GALNT7: variants seen among roughly 807,000 people sequenced by gnomAD.
GALNT7 encodes the protein N-acetylgalactosaminyltransferase 7.
Under a neutral mutation model 82.1 loss-of-function variants are expected in GALNT7, and 60 were observed. The observed-to-expected ratio is 0.73, with a 90% CI of 0.59 to 0.91. The LOEUF is 0.91. GALNT7 is among the 40% of genes least tolerant of loss of function. GALNT7 has a pLI of 0.00. For missense variants in GALNT7, 660 were observed against 804.2 expected (o/e 0.82, Z 2.17); for synonymous variants, 243 against 275.1 (o/e 0.88, Z 1.15).
intron 2 of GALNT7, among the ~76,000 whole-genome samples, chr4:173,252,915 C>T (rs1039657896): frequency 1.3e-5 from 2 of 152,026 alleles, no homozygotes. Flanking sequence ...GAAAAGGATA[C>T]TTTGCCAGGC....
intron 1 of GALNT7, among the ~76,000 whole-genome samples, chr4:173,197,007 A>T (rs1010126192): frequency 2.7e-5 from 4 of 148,848 alleles, no homozygotes; most frequent in African/African-American, 9.8e-5. Context: ...GGTACATTTG[A>T]TAGGTACCTG....
At chr4:173,298,597 C>T (rs535090039) in intron 6 of GALNT7, among the ~76,000 whole-genome samples, 1 of 152,214 alleles carries the variant, frequency 6.6e-6, no homozygotes, top group Non-Finnish European at 1.5e-5. Flanking sequence ...CTTAGTTATC[C>T]TGTCCTACTG....
chr4:173,199,631 T>A (rs1342344398), intron 1 of GALNT7, among the ~76,000 whole-genome samples: 3 of 152,206 alleles, frequency 2.0e-5, no homozygotes, highest in Non-Finnish European at 4.4e-5. Context: ...ATGTAGGCAC[T>A]ATTCTTACCC....
At position 173,321,669 on chromosome 4, in the gene GALNT7, C is replaced by A. The variant is rs1737822073; in HGVS notation, c.1926C>A (p.Ser642=). The A allele has an allele frequency of 3.1e-6, 5 of 1,606,554 alleles. No individual in the cohort carries two copies. The South Asian group carries it at 5.5e-5, about 18-fold the overall frequency. The change falls in exon 12 of 12, where the codon TCC becomes TCA. Residue 642 remains serine, a synonymous_variant. Transcript: ENST00000265000. The part of the protein sequence containing the change: ...LHQVFISNCD[S]SKTTQKWEMN... ...AAGTATTCATCTCCAATTGTGACTC[C>A]AGTAAAACGACTCAAAAATGGGAAA...
intron 2 of GALNT7, among the ~76,000 whole-genome samples, chr4:173,271,547 C>A (rs1273546025): frequency 6.6e-6 from 1 of 152,094 alleles, no homozygotes. Context: ...TCCTCTGCCT[C>A]CTGGGTTCAA....
At chr4:173,177,335 C>T (rs1199589115) in intron 1 of GALNT7, among the ~76,000 whole-genome samples, 5 of 152,040 alleles carry the variant, frequency 3.3e-5, no homozygotes, top group Non-Finnish European at 5.9e-5. Context: ...TTTGGTTTGG[C>T]ATATAGTATT....
At chr4:173,293,399 AT>A (rs1348085793) in intron 3 of GALNT7, among the ~76,000 whole-genome samples, 7 of 152,184 alleles carry the variant, frequency 4.6e-5, no homozygotes, top group Non-Finnish European at 1.0e-4. Context: ...TACAGCTTTA[AT>A]TAGTTTTTTC....
At chr4:173,197,063 CTT>C (rs5864189) in intron 1 of GALNT7, among the ~76,000 whole-genome samples, 8 of 117,942 alleles carry the variant, frequency 6.8e-5, no homozygotes, top group African/African-American at 2.3e-4. Context: ...CTCTCTCTCC[CTT>C]TTTTTTTTTT....
At chr4:173,275,812 G>T (rs1351338029) in intron 2 of GALNT7, among the ~76,000 whole-genome samples, 1 of 152,170 alleles carries the variant, frequency 6.6e-6, no homozygotes, top group Non-Finnish European at 1.5e-5. Context: ...AGGGATGCTT[G>T]TCTTAAAACC....
intron 2 of GALNT7, among the ~76,000 whole-genome samples, chr4:173,276,861 G>C (rs536315286): frequency 6.6e-6 from 1 of 152,108 alleles, no homozygotes; most frequent in African/African-American, 2.4e-5. Context: ...TCAGCTTCTT[G>C]TTTGGTGAGC....
intron 2 of GALNT7, among the ~76,000 whole-genome samples, chr4:173,286,012 G>GA (rs1339500242): frequency 6.6e-6 from 1 of 151,254 alleles, no homozygotes; most frequent in Non-Finnish European, 1.5e-5. Context: ...TCAGTTGACT[G>GA]AAAAAAAACA....
Position 173,199,763 on chromosome 4 carries a change from G to A in GALNT7, c.126+30802G>A, listed in dbSNP as rs576889848. 9.8e-5 allele frequency among the ~76,000 whole-genome samples: 15 copies of A among 152,296 alleles called. 1 individual carries two copies. The highest frequency in any genetic ancestry group is 4.2e-4 in the South Asian group (2 of 4,816). On this transcript the variant is annotated intron_variant, in intron 1 of 11. Transcript: ENST00000265000. ...TTGTCTTCCAGTTTGGGCGGCGGGTGGTGGGTGGTGATAGTTGGTAATAGG... is the reference window on the plus strand; with the variant it reads ...TTGTCTTCCAGTTTGGGCGGCGGGTAGTGGGTGGTGATAGTTGGTAATAGG...
chr4:173,262,270 A>G (rs1251297628), intron 2 of GALNT7, among the ~76,000 whole-genome samples: 1 of 152,244 alleles, frequency 6.6e-6, no homozygotes, highest in Middle Eastern at 3.2e-3. Flanking sequence ...TAGCTGCAAT[A>G]TAGAATCTGA....
intron 1 of GALNT7, among the ~76,000 whole-genome samples, chr4:173,232,899 T>C (rs1734077585): frequency 6.6e-6 from 1 of 152,160 alleles, no homozygotes; most frequent in African/African-American, 2.4e-5. Context: ...CTTTACCCCT[T>C]TCCCCTTCCC....
chr4:173,285,869 A>G (rs1429557618), intron 2 of GALNT7, among the ~76,000 whole-genome samples: 2 of 152,204 alleles, frequency 1.3e-5, no homozygotes, highest in Non-Finnish European at 2.9e-5. Context: ...TCCATGAGGA[A>G]AACAGGGATT....
At chr4:173,193,971 C>T (rs367774766) in intron 1 of GALNT7, among the ~76,000 whole-genome samples, 85 of 152,068 alleles carry the variant, frequency 5.6e-4, no homozygotes, top group African/African-American at 2.0e-3. Flanking sequence ...GATGTAGTTA[C>T]TGTAAATTTT....
intron 2 of GALNT7, among the ~76,000 whole-genome samples, chr4:173,279,189 GC>G (rs1736020909): frequency 6.6e-6 from 1 of 152,180 alleles, no homozygotes; most frequent in African/African-American, 2.4e-5. Flanking sequence ...ACTGACATAT[GC>G]CTGGCTTTGG....
At position 173,256,783 on chromosome 4, in the gene GALNT7, A is replaced by C. The variant is rs1735054911; in HGVS notation, c.587+8343A>C. On this transcript the variant is annotated intron_variant, in intron 2 of 11. Transcript: ENST00000265000. ...ATATAGCCATAATATAAAAGGAAGA[A>C]TGGGAGATATTTTCTATATTTTAGA... 2.0e-5 allele frequency among the ~76,000 whole-genome samples: 3 copies of C among 152,342 alleles called. No homozygotes were observed. The South Asian group carries it at 6.2e-4, about 32-fold the overall frequency.
chr4:173,240,513 C>A (rs964513475), intron 1 of GALNT7, among the ~76,000 whole-genome samples: 4 of 151,966 alleles, frequency 2.6e-5, no homozygotes, highest in Admixed American at 1.3e-4. Flanking sequence ...GGATTACAGG[C>A]ATGTGTCACC....
Sources: gnomAD v4.1 joint callset for allele counts (sites outside exome capture counted in the v4.1 genomes callset) on GRCh38, gnomAD v4.1.1 for gene constraint, MANE v1.5 for transcripts, NCBI Gene and HGNC (gene_info 2026-07-23, HGNC 2026-07-21) for gene names.